PLXDC2: variants seen among roughly 807,000 people sequenced by gnomAD.
The protein encoded by PLXDC2 is plexin domain containing 2.
In PLXDC2, 40 loss-of-function variants were observed where a neutral mutation model predicts 68.9. The ratio of observed to expected loss-of-function variants is 0.58; its 90% CI spans 0.45 to 0.76. PLXDC2 has a LOEUF of 0.76. Among genes scored for constraint, PLXDC2 ranks in the 30% least tolerant of loss-of-function variants. PLXDC2 has a pLI of 0.00. For synonymous variants in PLXDC2, 243 were observed against 234.2 expected (o/e 1.04, Z -0.34); for missense variants, 644 against 661.9 (o/e 0.97, Z 0.30).
intron 1 of PLXDC2, among the ~76,000 whole-genome samples, chr10:19,841,285 T>C (rs907945705): frequency 8.5e-5 from 13 of 152,196 alleles, no homozygotes; most frequent in African/African-American, 2.2e-4. Flanking sequence ...GCCCATTCTT[T>C]ATTTCTCAAG....
In PLXDC2 at chr10:20,041,782, C is replaced by A. The variant is rs557408652; in HGVS notation, c.325-5087C>A. ...AATCAAAGTGCCAGCTGTTTGGGTTCTTAGTGAGGGCTCCCTTTCTGGCTT... is the reference window on the plus strand; with the variant it reads ...AATCAAAGTGCCAGCTGTTTGGGTTATTAGTGAGGGCTCCCTTTCTGGCTT... On this transcript the variant is annotated intron_variant, in intron 2 of 13. Coordinates refer to ENST00000377252, the MANE Select transcript of PLXDC2 (RefSeq NM_032812.9). Among the ~76,000 whole-genome samples, 11 of 152,182 alleles carry A rather than the reference C, an allele frequency of 7.2e-5. No homozygotes were observed. In the East Asian group the frequency reaches 1.9e-3, roughly 27 times the overall value.
At position 20,207,323 on chromosome 10, in the gene PLXDC2, A is replaced by G. The variant is rs1589680918; in HGVS notation, c.1062-4346A>G. On this transcript the variant is annotated intron_variant, in intron 9 of 13. Coordinates refer to ENST00000377252, the MANE Select transcript of PLXDC2 (RefSeq NM_032812.9). ...TAAATCAAACAAACTGCATTTCTGC[A>G]CTTTTCCCTGGGATTAATTTAATAA... Among the ~76,000 whole-genome samples, 3 of 152,340 alleles carry G rather than the reference A, an allele frequency of 2.0e-5. No homozygotes were observed. In the South Asian group the frequency reaches 6.2e-4, roughly 32 times the overall value.
chr10:20,258,622 C>G (rs952914123), intron 13 of PLXDC2, among the ~76,000 whole-genome samples: 5 of 151,982 alleles, frequency 3.3e-5, no homozygotes, highest in African/African-American at 7.2e-5. Flanking sequence ...ATAGCAAAGA[C>G]TTTGTTTAAG....
intron 9 of PLXDC2, among the ~76,000 whole-genome samples, chr10:20,193,005 T>C (rs1042433859): frequency 2.6e-5 from 4 of 152,078 alleles, no homozygotes; most frequent in African/African-American, 9.7e-5. Context: ...TGAGTGCCTC[T>C]TTCTCTTACA....
intron 2 of PLXDC2, among the ~76,000 whole-genome samples, chr10:20,016,362 G>C (rs1835210574): frequency 6.6e-6 from 1 of 152,204 alleles, no homozygotes; most frequent in African/African-American, 2.4e-5. Flanking sequence ...AAGTAAAACG[G>C]AGTCCATGTG....
intron 1 of PLXDC2, among the ~76,000 whole-genome samples, chr10:19,958,185 C>T (rs1834101301): frequency 1.3e-5 from 2 of 151,962 alleles, no homozygotes; most frequent in Non-Finnish European, 2.9e-5. Context: ...AGGATAACAA[C>T]CTACTTCTTT....
chr10:19,972,757 A>C (rs963934760), intron 1 of PLXDC2, among the ~76,000 whole-genome samples: 2 of 152,194 alleles, frequency 1.3e-5, no homozygotes, highest in Non-Finnish European at 2.9e-5. Flanking sequence ...TATTTTTAAA[A>C]AGCCTAAACT....
intron 2 of PLXDC2, among the ~76,000 whole-genome samples, chr10:20,035,656 A>G (rs1401924698): frequency 6.6e-6 from 1 of 152,158 alleles, no homozygotes; most frequent in African/African-American, 2.4e-5. Context: ...AGATTGCACC[A>G]CAGCACTCCA....
chr10:20,145,153 G>T (rs1454609582), intron 5 of PLXDC2, among the ~76,000 whole-genome samples: 1 of 152,122 alleles, frequency 6.6e-6, no homozygotes, highest in African/African-American at 2.4e-5. Flanking sequence ...TTATGTCTGA[G>T]AATTGTAAAA....
At chr10:20,158,792 G>A (rs538448625) in intron 6 of PLXDC2, among the ~76,000 whole-genome samples, 39 of 152,168 alleles carry the variant, frequency 2.6e-4, no homozygotes, top group African/African-American at 9.2e-4. Context: ...TCTCATGATA[G>A]GAAAATATCA....
intron 2 of PLXDC2, among the ~76,000 whole-genome samples, chr10:20,028,729 G>C (rs1835448719): frequency 6.6e-6 from 1 of 151,988 alleles, no homozygotes; most frequent in Non-Finnish European, 1.5e-5. Context: ...TTTTGCTCTT[G>C]TTGGTAACCC....
chr10:19,918,988 A>G (rs1257824713), intron 1 of PLXDC2, among the ~76,000 whole-genome samples: 2 of 152,218 alleles, frequency 1.3e-5, no homozygotes, highest in African/African-American at 4.8e-5. Context: ...CCAGGAAACA[A>G]TCTGGATAGT....
At chr10:20,158,230 C>T (rs1344691498) in intron 6 of PLXDC2, among the ~76,000 whole-genome samples, 1 of 151,972 alleles carries the variant, frequency 6.6e-6, no homozygotes, top group Non-Finnish European at 1.5e-5. Context: ...AGTTTTGGTG[C>T]TTTAACATGT....
chr10:19,890,653 G>C lies in PLXDC2; in HGVS notation c.112+73462G>C, dbSNP rs189039747. ...GCATCCCAAAGTGCTGGGATTACAG[G>C]CGTGAGCCACCGCGCCCGGCTGCTT... On this transcript the variant is annotated intron_variant, in intron 1 of 13. Coordinates refer to ENST00000377252, the MANE Select transcript of PLXDC2 (RefSeq NM_032812.9). 6.9e-3 allele frequency among the ~76,000 whole-genome samples: 973 copies of C among 140,428 alleles called. 18 individuals carry two copies. The highest frequency in any genetic ancestry group is 0.024 in the African/African-American group (917 of 37,808). 92.1% of individuals were successfully genotyped at this position (140,428 alleles called of 152,430 possible).
chr10:20,073,985 G>A (rs557850893), intron 4 of PLXDC2, among the ~76,000 whole-genome samples: 2 of 152,232 alleles, frequency 1.3e-5, no homozygotes, highest in African/African-American at 4.8e-5. Context: ...TGTGAGATGG[G>A]TTAATTACAA....
intron 4 of PLXDC2, among the ~76,000 whole-genome samples, chr10:20,127,843 A>G (rs544252798): frequency 1.3e-5 from 2 of 152,270 alleles, no homozygotes; most frequent in East Asian, 3.9e-4. Context: ...AGGAAGGGAA[A>G]AAGGAAAAAG....
At chr10:20,187,711 A>C (rs915518802) in intron 9 of PLXDC2, among the ~76,000 whole-genome samples, 2 of 151,934 alleles carry the variant, frequency 1.3e-5, no homozygotes, top group Non-Finnish European at 2.9e-5. Flanking sequence ...GTTCCTATTA[A>C]GAAATGTAAA....
intron 2 of PLXDC2, among the ~76,000 whole-genome samples, chr10:20,017,585 C>A (rs1375397859): frequency 6.6e-6 from 1 of 152,166 alleles, no homozygotes; most frequent in Non-Finnish European, 1.5e-5. Flanking sequence ...ACTCCCTTTG[C>A]CCTCACACAG....
chr10:19,817,517 A>G (rs1002771158), intron 1 of PLXDC2, among the ~76,000 whole-genome samples: 7 of 152,176 alleles, frequency 4.6e-5, no homozygotes, highest in African/African-American at 1.7e-4. Context: ...AGGACCTGGC[A>G]TCTCCAGGCT....
Sources: gnomAD v4.1 joint callset for allele counts (sites outside exome capture counted in the v4.1 genomes callset) on GRCh38, gnomAD v4.1.1 for gene constraint, MANE v1.5 for transcripts, NCBI Gene and HGNC (gene_info 2026-07-23, HGNC 2026-07-21) for gene names.